CTNNA3: variants seen among roughly 807,000 people sequenced by gnomAD.
CTNNA3 encodes the protein catenin alpha 3.
Under a neutral mutation model 95.7 loss-of-function variants are expected in CTNNA3, and 76 were observed. The observed-to-expected ratio is 0.79, with a 90% CI of 0.66 to 0.96. CTNNA3 has a LOEUF of 0.96. Ranked by LOEUF, CTNNA3 falls within the 40% of genes least tolerant of loss-of-function variation. The pLI, the probability that CTNNA3 is intolerant of heterozygous loss-of-function variation, is 0.00. For missense variants in CTNNA3, 1,191 were observed against 1,089.8 expected, an observed-to-expected ratio of 1.09 and a Z score of -1.31; for synonymous variants, 431 against 374.4, an observed-to-expected ratio of 1.15 and a Z score of -1.74.
At chr10:66,246,065 G>A (rs4388765) in intron 13 of CTNNA3, among the ~76,000 whole-genome samples, 32,578 of 152,170 alleles carry the variant, frequency 0.21, 3,678 homozygotes, top group South Asian at 0.29. Context: ...ATGGCCCAAA[G>A]GTGGGGCCTC....
intron 7 of CTNNA3, among the ~76,000 whole-genome samples, chr10:67,047,059 C>A (rs1854799718): frequency 6.6e-6 from 1 of 152,162 alleles, no homozygotes. Context: ...GTATCTGATT[C>A]CTTGCTTCTG....
intron 9 of CTNNA3, among the ~76,000 whole-genome samples, chr10:66,634,603 G>T (rs1483852512): frequency 6.6e-6 from 1 of 151,676 alleles, no homozygotes; most frequent in Non-Finnish European, 1.5e-5. Context: ...GTGTGTGTGT[G>T]TGTGTCTGCA....
intron 5 of CTNNA3, among the ~76,000 whole-genome samples, chr10:67,358,382 C>T (rs2132662693): frequency 6.6e-6 from 1 of 152,120 alleles, no homozygotes; most frequent in Middle Eastern, 3.4e-3. Context: ...ATCTGTCTCA[C>T]CAAGGAAAAA....
At chr10:66,994,309 C>T (rs1318929619) in intron 7 of CTNNA3, among the ~76,000 whole-genome samples, 1 of 152,150 alleles carries the variant, frequency 6.6e-6, no homozygotes, top group African/African-American at 2.4e-5. Context: ...AATGGGTTTG[C>T]CTGGCCTTTG....
chr10:66,037,431 C>T (rs2079588658), intron 15 of CTNNA3, among the ~76,000 whole-genome samples: 1 of 152,198 alleles, frequency 6.6e-6, no homozygotes, highest in Middle Eastern at 3.4e-3. Context: ...AAGCTGTTGC[C>T]AAGCTTCTCA....
At chr10:67,599,581 A>AT (rs1459267030) in intron 3 of CTNNA3, among the ~76,000 whole-genome samples, 1 of 152,200 alleles carries the variant, frequency 6.6e-6, no homozygotes, top group Non-Finnish European at 1.5e-5. Context: ...GTAAAAAAAA[A>AT]GTTCACTGGA....
intron 7 of CTNNA3, among the ~76,000 whole-genome samples, chr10:66,968,042 T>C (rs970201838): frequency 2.6e-5 from 4 of 152,086 alleles, no homozygotes; most frequent in African/African-American, 7.2e-5. Flanking sequence ...AAATTTATAC[T>C]CTGAGCATGA....
chr10:67,380,956 AGG>A (rs920029815), intron 5 of CTNNA3, among the ~76,000 whole-genome samples: 5 of 152,176 alleles, frequency 3.3e-5, no homozygotes, highest in African/African-American at 1.2e-4. Flanking sequence ...TAAAACCTCA[AGG>A]GCTTCAGGTA....
At chr10:67,535,292 T>C (rs1245563456) in intron 4 of CTNNA3, among the ~76,000 whole-genome samples, 1 of 152,140 alleles carries the variant, frequency 6.6e-6, no homozygotes, top group African/African-American at 2.4e-5. Flanking sequence ...AAGAAAGATA[T>C]AATACTGTTT....
intron 7 of CTNNA3, among the ~76,000 whole-genome samples, chr10:67,100,306 G>A (rs1467177969): frequency 6.6e-6 from 1 of 151,490 alleles, no homozygotes; most frequent in Non-Finnish European, 1.5e-5. Context: ...CACCAAATAC[G>A]CCAGGAATTT....
intron 14 of CTNNA3, among the ~76,000 whole-genome samples, chr10:66,072,348 C>A (rs1031225647): frequency 1.3e-5 from 2 of 152,152 alleles, no homozygotes; most frequent in African/African-American, 4.8e-5. Flanking sequence ...GACCAGGGAA[C>A]ACAGATTTTT....
chr10:66,413,483 A>G (rs149252799), intron 11 of CTNNA3, among the ~76,000 whole-genome samples: 23 of 152,332 alleles, frequency 1.5e-4, no homozygotes, highest in Middle Eastern at 3.4e-3. Context: ...AATATTTATA[A>G]TGACTCAAAT....
chr10:66,670,181 A>G (rs529756673), intron 9 of CTNNA3, among the ~76,000 whole-genome samples: 1 of 152,270 alleles, frequency 6.6e-6, no homozygotes, highest in South Asian at 2.1e-4. Flanking sequence ...TATTGTTGCC[A>G]TAACAAATTA....
chr10:67,050,377 T>C lies in CTNNA3; in HGVS notation c.1047+129940A>G, dbSNP rs551173888. 8.9e-4 allele frequency among the ~76,000 whole-genome samples: 136 copies of C among 152,304 alleles called. 2 individuals are homozygous for C. Among genetic ancestry groups the C allele is most frequent in the Middle Eastern group, 3.4e-3 (1 of 294 alleles). On this transcript the variant is annotated intron_variant, in intron 7 of 17. Transcript: ENST00000433211. ...ATTTTATAGAGAGGAAAATATATCT[T>C]TAGCTAAGGTGATGTAATTTGAAAA...
chr10:67,048,878 A>G (rs1854912937), intron 7 of CTNNA3, among the ~76,000 whole-genome samples: 1 of 152,126 alleles, frequency 6.6e-6, no homozygotes, highest in Non-Finnish European at 1.5e-5. Flanking sequence ...CCTCCTTTTT[A>G]TAAAACTTTA....
chr10:66,521,914 C>T (rs917649638), intron 10 of CTNNA3, among the ~76,000 whole-genome samples: 15 of 152,150 alleles, frequency 9.9e-5, no homozygotes, highest in African/African-American at 3.1e-4. Flanking sequence ...CCATCGAAAG[C>T]TCTGCTGTTG....
chr10:66,599,642 T>A (rs1405663568), intron 10 of CTNNA3, among the ~76,000 whole-genome samples: 3 of 151,930 alleles, frequency 2.0e-5, no homozygotes, highest in Non-Finnish European at 4.4e-5. Context: ...TTTTTTTTAA[T>A]TGGGTGGGAA....
intron 11 of CTNNA3, among the ~76,000 whole-genome samples, chr10:66,468,216 A>G (rs2131866622): frequency 6.6e-6 from 1 of 152,094 alleles, no homozygotes; most frequent in Middle Eastern, 3.4e-3. Flanking sequence ...AATATCCAAA[A>G]TCTATGATCT....
chr10:67,645,214 C>CACACAG (rs763646646), intron 2 of CTNNA3, among the ~76,000 whole-genome samples: 6 of 152,078 alleles, frequency 3.9e-5, no homozygotes, highest in Non-Finnish European at 7.4e-5. Flanking sequence ...CACACACACA[C>CACACAG]TGTGACTAGC....
Sources: gnomAD v4.1 joint callset for allele counts (sites outside exome capture counted in the v4.1 genomes callset) on GRCh38, gnomAD v4.1.1 for gene constraint, MANE v1.5 for transcripts, NCBI Gene and HGNC (gene_info 2026-07-23, HGNC 2026-07-21) for gene names.